The following GPHN variants were observed in gnomAD, a reference collection of about 807,000 sequenced individuals.
GPHN encodes gephyrin.
In GPHN, 17 loss-of-function variants were observed where a neutral mutation model predicts 95.5. The observed-to-expected ratio is 0.18, with a 90% confidence interval of 0.12 to 0.27. The LOEUF is 0.27. Among genes scored for constraint, GPHN ranks in the 10% least tolerant of loss-of-function variants. The pLI, the probability that GPHN is intolerant of heterozygous loss-of-function variation, is 1.00. For missense variants in GPHN, 660 were observed against 978.1 expected, an observed-to-expected ratio of 0.67 and a Z score of 4.34; for synonymous variants, 320 against 322.5, an observed-to-expected ratio of 0.99 and a Z score of 0.08.
intron 2 of GPHN, among the ~76,000 whole-genome samples, chr14:66,768,977 A>G (rs1427552677): frequency 2.0e-5 from 3 of 151,990 alleles, no homozygotes; most frequent in Non-Finnish European, 4.4e-5. Flanking sequence ...AACATTTTAG[A>G]CAGTGTGTAG....
At chr14:66,931,965 T>C (rs1245765669) in intron 8 of GPHN, among the ~76,000 whole-genome samples, 2 of 152,206 alleles carry the variant, frequency 1.3e-5, no homozygotes, top group Admixed American at 6.5e-5. Flanking sequence ...ATCTTTGAAG[T>C]CTAGGCTTGT....
At chr14:66,646,419 C>T (rs2153359230) in intron 1 of GPHN, among the ~76,000 whole-genome samples, 1 of 152,002 alleles carries the variant, frequency 6.6e-6, no homozygotes, top group South Asian at 2.1e-4. Context: ...ATAATGGTTC[C>T]TCAAAAAGTT....
At chr14:67,016,910 A>G (rs1694817143) in intron 9 of GPHN, among the ~76,000 whole-genome samples, 1 of 152,146 alleles carries the variant, frequency 6.6e-6, no homozygotes, top group African/African-American at 2.4e-5. Flanking sequence ...GAACAACTTC[A>G]ATTTCTATTT....
intron 1 of GPHN, among the ~76,000 whole-genome samples, chr14:66,666,729 A>T (rs1001840082): frequency 3.9e-5 from 6 of 152,206 alleles, no homozygotes; most frequent in Admixed American, 6.5e-5. Flanking sequence ...CCGGCACAAG[A>T]CAAGGACGCC....
chr14:66,677,936 T>C (rs1292579823), intron 1 of GPHN, among the ~76,000 whole-genome samples: 1 of 152,194 alleles, frequency 6.6e-6, no homozygotes, highest in Non-Finnish European at 1.5e-5. Flanking sequence ...TCTCTTGGCT[T>C]ATAATGGTTC....
At chr14:67,023,456 A>G (rs545708298) in intron 9 of GPHN, among the ~76,000 whole-genome samples, 177 bp from the exon 10 acceptor site, 10 of 152,262 alleles carry the variant, frequency 6.6e-5, no homozygotes, top group Non-Finnish European at 1.3e-4. Context: ...TTCTTTAAGG[A>G]AAAGATAAAG....
intron 21 of GPHN, among the ~76,000 whole-genome samples, chr14:67,178,839 A>G (rs990371131): frequency 2.6e-5 from 4 of 152,226 alleles, no homozygotes; most frequent in Non-Finnish European, 5.9e-5. Context: ...AGTCACATAC[A>G]AGGAAGTCCA....
At chr14:66,674,671 A>T (rs989479255) in intron 1 of GPHN, among the ~76,000 whole-genome samples, 3 of 152,202 alleles carry the variant, frequency 2.0e-5, no homozygotes, top group Non-Finnish European at 4.4e-5. Context: ...ACTGAATAGC[A>T]ATCAATTATG....
the GPHN span, chr14:67,447,439 A>G: frequency 6.6e-6 from 1 of 152,242 alleles, no homozygotes; most frequent in African/African-American, 2.4e-5. Flanking sequence ...AAGATAAAGA[A>G]AAAAAGAAGA....
chr14:67,312,825 T>G, the GPHN span: 1 of 869,352 alleles, frequency 1.2e-6, no homozygotes, highest in Non-Finnish European at 1.6e-6. Context: ...TTCCAGTTAC[T>G]TTTTCGTGTA....
chr14:66,653,102 G>A (rs1197929523), intron 1 of GPHN, among the ~76,000 whole-genome samples: 1 of 151,218 alleles, frequency 6.6e-6, no homozygotes, highest in East Asian at 1.9e-4. Flanking sequence ...GCTGGGAGCT[G>A]GTCCTGGTAC....
the GPHN span, among the ~76,000 whole-genome samples, chr14:67,500,817 C>T: frequency 5.3e-5 from 8 of 151,968 alleles, no homozygotes; most frequent in Admixed American, 1.3e-4. Flanking sequence ...GTGATCCGCC[C>T]GCCTCGGCCT....
chr14:67,584,193 C>T, the GPHN span: 1 of 1,526,802 alleles, frequency 6.5e-7, no homozygotes, highest in African/African-American at 1.4e-5. Flanking sequence ...TTGAGCCATA[C>T]CAATTTGCAG....
At chr14:67,079,684 T>C (rs1245188059) in intron 11 of GPHN, among the ~76,000 whole-genome samples, 3 of 152,130 alleles carry the variant, frequency 2.0e-5, no homozygotes, top group Non-Finnish European at 2.9e-5. Context: ...AGTATATTCA[T>C]ATTTTTGTGA....
chr14:66,680,780 G>A (rs576780135), intron 1 of GPHN, among the ~76,000 whole-genome samples: 2 of 152,016 alleles, frequency 1.3e-5, no homozygotes, highest in South Asian at 4.1e-4. Context: ...TTGTTGTGGG[G>A]GCAGTGACTT....
intron 10 of GPHN, among the ~76,000 whole-genome samples, chr14:67,055,333 A>G (rs1321492084): frequency 6.6e-6 from 1 of 152,238 alleles, no homozygotes; most frequent in Non-Finnish European, 1.5e-5. Flanking sequence ...ATCACTGATC[A>G]TTAGAGAAAT....
chr14:66,636,314 C>G (rs969939614), intron 1 of GPHN, among the ~76,000 whole-genome samples: 20 of 152,078 alleles, frequency 1.3e-4, no homozygotes, highest in Non-Finnish European at 1.9e-4. Flanking sequence ...CCTGCCAGCT[C>G]TAGTATCTAT....
At chr14:67,007,440 C>T (rs1243943929) in intron 9 of GPHN, among the ~76,000 whole-genome samples, 2 of 152,176 alleles carry the variant, frequency 1.3e-5, no homozygotes, top group Non-Finnish European at 2.9e-5. Context: ...ATCTAAATGA[C>T]CTCCTTTAGT....
At chr14:67,122,786 T>G (rs911027181) in intron 17 of GPHN, among the ~76,000 whole-genome samples, 5 of 152,206 alleles carry the variant, frequency 3.3e-5, no homozygotes, top group African/African-American at 1.2e-4. Flanking sequence ...TAAGTACAAT[T>G]TTTTTCTAGG....
Sources: gnomAD v4.1 joint callset for allele counts (sites outside exome capture counted in the v4.1 genomes callset) on GRCh38, gnomAD v4.1.1 for gene constraint, MANE v1.5 for transcripts, NCBI Gene and HGNC (gene_info 2026-07-23, HGNC 2026-07-21) for gene names.